The following NAV3 variants were observed in gnomAD, a reference collection of about 807,000 sequenced individuals.
NAV3 encodes the protein neuron navigator 3.
NAV3 carries 87 observed loss-of-function variants against 244.7 expected under a neutral mutation model. The ratio of observed to expected loss-of-function variants is 0.36; its 90% CI spans 0.30 to 0.42. The LOEUF is 0.42. Ranked by LOEUF, NAV3 falls within the 20% of genes least tolerant of loss-of-function variation. The pLI is 1.00. For missense variants in NAV3, 2,663 were observed against 2,893.3 expected, an observed-to-expected ratio of 0.92 and a Z score of 1.83; for synonymous variants, 1,126 against 1,042.2, an observed-to-expected ratio of 1.08 and a Z score of -1.55.
At chr12:78,126,916 GAT>G (rs1391386757) in intron 16 of NAV3, among the ~76,000 whole-genome samples, 1 of 152,072 alleles carries the variant, frequency 6.6e-6, no homozygotes, top group Admixed American at 6.5e-5. Flanking sequence ...ATGCTAATGT[GAT>G]TTAATCTATT....
Position 78,006,904 on chromosome 12 carries a change from C to A in NAV3, c.1366C>A (p.Leu456Ile). Residue 456 changes from leucine to isoleucine, a missense_variant, in exon 8 of 40, where the codon CTC (leucine) becomes ATC (isoleucine). Leu to Ile is a conservative substitution (Grantham distance 5). Coordinates refer to ENST00000397909, the MANE Select transcript of NAV3 (RefSeq NM_001024383.2). ...LAPPKAGSKN[L>I]SNKKSLLQPK... ...CCCTCCAAAAGCTGGAAGCAAAAATCTCAGCAATAAAAAGTCTTTGCTACA... is the reference window on the plus strand; with the variant it reads ...CCCTCCAAAAGCTGGAAGCAAAAATATCAGCAATAAAAAGTCTTTGCTACA... 1 of 1,614,020 alleles carries A rather than the reference C, an allele frequency of 6.2e-7. No individual in the cohort carries two copies. The highest frequency in any genetic ancestry group is 8.5e-7 in the Non-Finnish European group (1 of 1,180,004).
intron 2 of NAV3, among the ~76,000 whole-genome samples, chr12:77,649,069 A>G (rs1872717656): frequency 6.6e-6 from 1 of 152,126 alleles, no homozygotes; most frequent in Non-Finnish European, 1.5e-5. Context: ...AAATGTTATA[A>G]TATAGTTGGA....
chr12:77,816,591 T>C (rs17044270), intron 2 of NAV3, among the ~76,000 whole-genome samples: 1,991 of 152,290 alleles, frequency 0.013, 40 homozygotes, highest in African/African-American at 0.045. Context: ...TGGTGCTTGG[T>C]TGTGAACTCC....
chr12:77,672,278 C>T (rs1359416831), intron 2 of NAV3, among the ~76,000 whole-genome samples: 2 of 152,106 alleles, frequency 1.3e-5, no homozygotes, highest in African/African-American at 4.8e-5. Flanking sequence ...AAAGAGAACA[C>T]TTTTACACCG....
intron 1 of NAV3, among the ~76,000 whole-genome samples, chr12:77,859,597 A>G (rs61937399): frequency 0.45 from 67,383 of 148,410 alleles, 15,838 homozygotes; most frequent in East Asian, 0.57. Context: ...GTGCACATGT[A>G]CCCTAAAACT....
intron 5 of NAV3, among the ~76,000 whole-genome samples, chr12:77,992,537 G>A (rs1307189670): frequency 2.6e-5 from 4 of 152,140 alleles, no homozygotes; most frequent in Non-Finnish European, 4.4e-5. Flanking sequence ...GAAGGAGAAT[G>A]GAGAGTTTGA....
chr12:77,854,554 T>C (rs1297855169), intron 1 of NAV3, among the ~76,000 whole-genome samples: 1 of 151,044 alleles, frequency 6.6e-6, no homozygotes, highest in Non-Finnish European at 1.5e-5. Context: ...TAAAGCTATG[T>C]AATCATGATA....
intron 2 of NAV3, among the ~76,000 whole-genome samples, chr12:77,676,186 AT>A (rs2137095331): frequency 6.6e-6 from 1 of 151,900 alleles, no homozygotes; most frequent in South Asian, 2.1e-4. Flanking sequence ...TTATCAACCC[AT>A]CATCTAGGTT....
intron 2 of NAV3, among the ~76,000 whole-genome samples, chr12:77,719,781 C>G (rs1273350285): frequency 6.6e-6 from 1 of 151,974 alleles, no homozygotes; most frequent in Non-Finnish European, 1.5e-5. Context: ...TTTGTCTAGC[C>G]TTGGTATCAG....
At position 77,831,346 on chromosome 12, in the gene NAV3, A is replaced by G. The variant is rs925966200; in HGVS notation, c.-116A>G. On this transcript the variant is annotated 5_prime_UTR_variant, in exon 1 of 40. Coordinates refer to ENST00000397909, the MANE Select transcript of NAV3 (RefSeq NM_001024383.2). ...TTATATTATTAGCTTTTTAAAAATC[A>G]GGATGACTGCTAGTTTTGTTTAAAG... is the stretch of plus-strand genomic sequence containing the variant. The G allele has an allele frequency of 9.2e-7, 1 of 1,086,218 alleles. No individual in the cohort carries two copies. Among genetic ancestry groups the G allele is most frequent in the Non-Finnish European group, 1.3e-6 (1 of 793,988 alleles). The allele number at this position is 1,086,218 out of a possible 1,614,324, so 67.3% of individuals were successfully genotyped here. A position where few individuals can be genotyped will look rare whatever the true frequency, so the allele number is the denominator to read the frequency against.
At chr12:78,160,406 T>TGC (rs1555184845) in intron 23 of NAV3, among the ~76,000 whole-genome samples, 80,036 of 136,428 alleles carry the variant, frequency 0.59, 23,343 homozygotes, top group East Asian at 0.9. Flanking sequence ...TGTGCGTGCG[T>TGC]GTGTGTGTGT....
intron 17 of NAV3, 39 bp downstream of exon 17, chr12:78,127,247 G>T: frequency 6.3e-7 from 1 of 1,589,608 alleles, no homozygotes; most frequent in African/African-American, 1.3e-5. Context: ...CCTCTCTGTT[G>T]TTATGTAAAC....
intron 2 of NAV3, among the ~76,000 whole-genome samples, chr12:77,821,183 C>G (rs965758054): frequency 6.6e-6 from 1 of 151,820 alleles, no homozygotes; most frequent in Non-Finnish European, 1.5e-5. Flanking sequence ...ATTTTTGAAG[C>G]TATTGATGGG....
rs918333689 is a variant in NAV3 at position 78,054,801 on chromosome 12, AAG to A, written c.2516+3663_2516+3664del. Among the ~76,000 whole-genome samples the A allele has an allele frequency of 1.1e-4, 17 of 152,188 alleles. 2 individuals are homozygous for A. Among genetic ancestry groups the A allele is most frequent in the Admixed American group, 9.8e-4 (15 of 15,268 alleles). On this transcript the variant is annotated intron_variant, in intron 11 of 39. Transcript: ENST00000397909. ...GTTAGAGAAAATCGGCAGAGAGAGA[AAG>A]AGAGAGAGCGAGAGAGAGAGGATTT...
chr12:77,673,753 T>C (rs1451483093), intron 2 of NAV3, among the ~76,000 whole-genome samples: 5 of 152,136 alleles, frequency 3.3e-5, no homozygotes, highest in Non-Finnish European at 7.4e-5. Flanking sequence ...CTATAGAAAA[T>C]ATTTCATTTT....
intron 39 of NAV3, among the ~76,000 whole-genome samples, chr12:78,206,462 A>G (rs1350872083): frequency 6.6e-6 from 1 of 152,144 alleles, no homozygotes; most frequent in African/African-American, 2.4e-5. Flanking sequence ...TGCAGTTTTT[A>G]TATAATATGT....
intron 2 of NAV3, among the ~76,000 whole-genome samples, chr12:77,664,407 T>C (rs1053075767): frequency 6.6e-6 from 1 of 152,216 alleles, no homozygotes; most frequent in Admixed American, 6.5e-5. Context: ...TAGGTTGGTA[T>C]CCAGTGCTGC....
chr12:77,952,717 T>A (rs1420811711), intron 3 of NAV3, among the ~76,000 whole-genome samples: 1 of 152,158 alleles, frequency 6.6e-6, no homozygotes, highest in African/African-American at 2.4e-5. Context: ...CCCTTCCCTA[T>A]GCCCAAACTT....
At chr12:77,853,751 A>T (rs1452110415) in intron 1 of NAV3, among the ~76,000 whole-genome samples, 3 of 152,180 alleles carry the variant, frequency 2.0e-5, no homozygotes, top group Non-Finnish European at 4.4e-5. Context: ...CATACCTTTT[A>T]TAGTCAGTTT....
Sources: allele counts gnomAD v4.1 joint callset (sites outside exome capture counted in the v4.1 genomes callset), GRCh38; gene constraint gnomAD v4.1.1; transcripts MANE v1.5; gene names NCBI Gene and HGNC (gene_info 2026-07-23, HGNC 2026-07-21).